Variants in DLG2 observed in about 807,000 individuals in gnomAD.
The protein encoded by DLG2 is disks large homolog 2.
Under a neutral mutation model 132.5 loss-of-function variants are expected in DLG2, and 45 were observed. That is an observed-to-expected ratio of 0.34 (90% CI 0.27 to 0.44). The LOEUF (loss-of-function observed/expected upper bound fraction) is 0.44, where lower values mean the gene tolerates loss of function less well. Among genes scored for constraint, DLG2 ranks in the 20% least tolerant of loss-of-function variants. The pLI, the probability that DLG2 is intolerant of heterozygous loss-of-function variation, is 1.00. For synonymous variants in DLG2, 424 were observed against 419.6 expected (o/e 1.01, Z -0.13); for missense variants, 1,045 against 1,196.9 (o/e 0.87, Z 1.87).
intron 6 of DLG2, among the ~76,000 whole-genome samples, chr11:84,981,659 ATT>A: frequency 6.6e-6 from 1 of 152,266 alleles, no homozygotes; most frequent in East Asian, 1.9e-4. Flanking sequence ...ATATAGCACC[ATT>A]TTAACATGTA....
chr11:85,590,011 T>C (rs1291465515), intron 3 of DLG2, among the ~76,000 whole-genome samples: 1 of 152,202 alleles, frequency 6.6e-6, no homozygotes, highest in Non-Finnish European at 1.5e-5. Context: ...CTAATGATTT[T>C]AACTGTTTAA....
chr11:85,581,345 G>C (rs143110147), intron 3 of DLG2, among the ~76,000 whole-genome samples: 64 of 152,110 alleles, frequency 4.2e-4, no homozygotes, highest in African/African-American at 1.5e-3. Context: ...AGGCACAGTG[G>C]CTCATGCCTG....
chr11:84,814,873 T>C (rs981258733), intron 6 of DLG2, among the ~76,000 whole-genome samples: 1 of 152,132 alleles, frequency 6.6e-6, no homozygotes. Flanking sequence ...AAATCTCTCA[T>C]AGTAAAAGGT....
At chr11:84,075,632 C>G (rs1467316429) in intron 10 of DLG2, among the ~76,000 whole-genome samples, 1 of 152,120 alleles carries the variant, frequency 6.6e-6, no homozygotes, top group East Asian at 1.9e-4. Flanking sequence ...GAGCAATTCT[C>G]TATGCAACAG....
chr11:84,292,163 T>C (rs1470475288), intron 7 of DLG2, among the ~76,000 whole-genome samples: 1 of 152,140 alleles, frequency 6.6e-6, no homozygotes, highest in Admixed American at 6.5e-5. Context: ...GAAATGTCAC[T>C]GAAGCTGGAT....
At chr11:85,114,758 G>A (rs954974539) in intron 5 of DLG2, among the ~76,000 whole-genome samples, 3 of 151,874 alleles carry the variant, frequency 2.0e-5, no homozygotes, top group Admixed American at 6.6e-5. Context: ...TAACTACAAA[G>A]AACTCGAAAA....
At chr11:85,246,261 C>A (rs1241815607) in intron 4 of DLG2, among the ~76,000 whole-genome samples, 1 of 151,422 alleles carries the variant, frequency 6.6e-6, no homozygotes, top group Non-Finnish European at 1.5e-5. Context: ...AATAAGTGCC[C>A]AAAAAATAAA....
At chr11:84,841,447 A>G (rs2080677502) in intron 6 of DLG2, among the ~76,000 whole-genome samples, 1 of 152,052 alleles carries the variant, frequency 6.6e-6, no homozygotes, top group Non-Finnish European at 1.5e-5. Flanking sequence ...TTGAAAAATC[A>G]AATGCTAATT....
At chr11:83,518,640 G>A (rs781255469) in intron 21 of DLG2, among the ~76,000 whole-genome samples, 6 of 152,186 alleles carry the variant, frequency 3.9e-5, no homozygotes, top group Non-Finnish European at 8.8e-5. Context: ...GCTGTAGACT[G>A]GAGCTGTTCC....
Position 85,222,422 on chromosome 11 carries a change from C to T in DLG2, c.186+62798G>A, listed in dbSNP as rs533722248. 2.0e-3 allele frequency among the ~76,000 whole-genome samples: 299 copies of T among 152,284 alleles called. 2 individuals carry two copies. Among genetic ancestry groups the T allele is most frequent in the African/African-American group, 6.8e-3 (283 of 41,562 alleles). On this transcript the variant is annotated intron_variant, in intron 4 of 27. Transcript: ENST00000376104. ...CATTAATGGTGAAAAAACACCCACT[C>T]TTCTGGAACTTAAACAGTCTAAAAA...
chr11:85,265,574 C>T (rs1356068250), intron 4 of DLG2, among the ~76,000 whole-genome samples: 1 of 152,220 alleles, frequency 6.6e-6, no homozygotes, highest in African/African-American at 2.4e-5. Context: ...GGAAACCCCA[C>T]CTTCAAGCCA....
chr11:84,495,557 G>A (rs1444379560), intron 7 of DLG2, among the ~76,000 whole-genome samples: 4 of 152,086 alleles, frequency 2.6e-5, no homozygotes, highest in African/African-American at 9.7e-5. Context: ...CCACTGCTAT[G>A]CCTTCAATAA....
chr11:84,769,005 ATAATT>A (rs2068846944), intron 6 of DLG2, among the ~76,000 whole-genome samples: 1 of 152,160 alleles, frequency 6.6e-6, no homozygotes, highest in Non-Finnish European at 1.5e-5. Context: ...TTTCATAAAA[ATAATT>A]TAAAATAATT....
intron 3 of DLG2, among the ~76,000 whole-genome samples, chr11:85,541,510 T>G (rs186044503): frequency 2.9e-4 from 44 of 150,878 alleles, no homozygotes; most frequent in South Asian, 2.3e-3. Flanking sequence ...TATATTATTA[T>G]AATATATACT....
chr11:85,292,460 A>G (rs183687536), intron 3 of DLG2, among the ~76,000 whole-genome samples: 1 of 151,824 alleles, frequency 6.6e-6, no homozygotes, highest in Non-Finnish European at 1.5e-5. Flanking sequence ...CAAAACAGGA[A>G]TGAGTGCAAA....
intron 3 of DLG2, chr11:85,286,038 G>C (rs1054534066): frequency 7.3e-6 from 3 of 410,892 alleles, no homozygotes; most frequent in Admixed American, 3.2e-5. Flanking sequence ...GAATGTAACT[G>C]TATTACAAAT....
intron 6 of DLG2, among the ~76,000 whole-genome samples, chr11:84,604,831 C>T (rs1029878928): frequency 2.6e-5 from 4 of 151,796 alleles, no homozygotes; most frequent in Admixed American, 6.6e-5. Flanking sequence ...AATAGTTTTT[C>T]AAAATATATT....
intron 7 of DLG2, among the ~76,000 whole-genome samples, chr11:84,410,704 C>T (rs755366717): frequency 6.6e-6 from 1 of 151,226 alleles, no homozygotes; most frequent in Non-Finnish European, 1.5e-5. Flanking sequence ...TTCAGCCTCC[C>T]GAGTAGCTGG....
intron 6 of DLG2, among the ~76,000 whole-genome samples, chr11:84,774,953 G>T (rs533504560): frequency 8.5e-5 from 13 of 152,102 alleles, no homozygotes; most frequent in Non-Finnish European, 1.3e-4. Flanking sequence ...TTAAACTAAA[G>T]ATCTTTTGCA....
Sources: allele counts gnomAD v4.1 joint callset (sites outside exome capture counted in the v4.1 genomes callset), GRCh38; gene constraint gnomAD v4.1.1; transcripts MANE v1.5; gene names NCBI Gene and HGNC (gene_info 2026-07-23, HGNC 2026-07-21).